Variants in NCK1 observed in about 807,000 individuals in gnomAD.
The protein encoded by NCK1 is SH2/SH3 adapter protein NCK1.
In NCK1, 19 loss-of-function variants were observed where a neutral mutation model predicts 36.6. That is an observed-to-expected ratio of 0.52 (90% CI 0.36 to 0.76). NCK1 has a LOEUF of 0.76. Among genes scored for constraint, NCK1 ranks in the 30% least tolerant of loss-of-function variants. NCK1 has a pLI of 0.00. For synonymous variants in NCK1, 165 were observed against 156.0 expected, an observed-to-expected ratio of 1.06 and a Z score of -0.43; for missense variants, 358 against 445.6, an observed-to-expected ratio of 0.80 and a Z score of 1.77.
At chr3:136,912,189 G>C (rs1296001389) in intron 1 of NCK1, among the ~76,000 whole-genome samples, 1 of 135,166 alleles carries the variant, frequency 7.4e-6, no homozygotes, top group Non-Finnish European at 1.5e-5. Flanking sequence ...TTGAGACCGA[G>C]TCTCGCTCTG....
chr3:136,871,786 G>T lies in NCK1; in HGVS notation c.-19+9433G>T, dbSNP rs998429058. 5.3e-5 allele frequency among the ~76,000 whole-genome samples: 8 copies of T among 152,138 alleles called. No individual in the cohort carries two copies. In the East Asian group the frequency reaches 5.8e-4, roughly 11 times the overall value. On this transcript the variant is annotated intron_variant, in intron 1 of 3. Coordinates refer to ENST00000481752, the MANE Select transcript of NCK1 (RefSeq NM_001291999.2). ...TGAACCATGGGGGTGGGCCTTTCTC[G>T]TGCTGTTCTTGTGATAGTGAATAGG...
rs964988780 is a variant in NCK1, at chr3:136,950,335, G to A, written c.*1882G>A. Among the ~76,000 whole-genome samples the A allele has an allele frequency of 3.9e-5, 6 of 152,068 alleles. No individual in the cohort carries two copies. Among genetic ancestry groups the A allele is most frequent in the African/African-American group, 1.4e-4 (6 of 41,426 alleles). Reference sequence around the variant, plus strand: ...AACTATTCATAGTAAACTGCACTGAGCTGATATTAATAGAGCAGACTTTTG... The same window carrying A: ...AACTATTCATAGTAAACTGCACTGAACTGATATTAATAGAGCAGACTTTTG... On this transcript the variant is annotated 3_prime_UTR_variant, in exon 4 of 4. Coordinates refer to ENST00000481752, the MANE Select transcript of NCK1 (RefSeq NM_001291999.2).
intron 1 of NCK1, chr3:136,900,090 G>T: frequency 2.2e-6 from 1 of 463,236 alleles, no homozygotes; most frequent in East Asian, 4.3e-5. Flanking sequence ...CCCTTTCAGG[G>T]CTTGATATTT....
chr3:136,900,108 C>A, intron 1 of NCK1: 2 of 409,730 alleles, frequency 4.9e-6, no homozygotes, highest in East Asian at 5.2e-5. Context: ...TTTACACTTC[C>A]CAAGTTCTTG....
chr3:136,874,852 A>T (rs901850550), intron 1 of NCK1, among the ~76,000 whole-genome samples: 1 of 152,138 alleles, frequency 6.6e-6, no homozygotes, highest in Non-Finnish European at 1.5e-5. Flanking sequence ...TAAGGATTCT[A>T]GGTTGGAAAT....
At chr3:136,902,721 A>G (rs1490134628) in intron 1 of NCK1, among the ~76,000 whole-genome samples, 1 of 150,834 alleles carries the variant, frequency 6.6e-6, no homozygotes, top group Non-Finnish European at 1.5e-5. Flanking sequence ...CCAATCAGGC[A>G]AGAGGGAAAA....
intron 1 of NCK1, among the ~76,000 whole-genome samples, chr3:136,908,645 CAATGTGGTGACATCT>C (rs1194916793): frequency 6.6e-6 from 1 of 152,170 alleles, no homozygotes; most frequent in Non-Finnish European, 1.5e-5. Context: ...TGATTACTGC[CAATGTGGTGACATCT>C]AACTCCAAAG....
In NCK1 at chr3:136,949,129, G is replaced by A. The variant is rs1190722837; in HGVS notation, c.*676G>A. 7 of 152,232 alleles carry A rather than the reference G, an allele frequency of 4.6e-5. No homozygotes were observed. Among genetic ancestry groups the A allele is most frequent in the Admixed American group, 3.9e-4 (6 of 15,272 alleles). 9.4% of individuals were successfully genotyped at this position (152,232 alleles called of 1,614,324 possible). On this transcript the variant is annotated 3_prime_UTR_variant, in exon 4 of 4. Transcript: ENST00000481752. ...AAAAATCACTTAATTTTTTTCCAGTGCTTCTCCCTCATCTGGTTATTCAAG... is the reference window on the plus strand; with the variant it reads ...AAAAATCACTTAATTTTTTTCCAGTACTTCTCCCTCATCTGGTTATTCAAG...
At chr3:136,935,037 A>C (rs761366485) in intron 2 of NCK1, among the ~76,000 whole-genome samples, 11 of 151,892 alleles carry the variant, frequency 7.2e-5, no homozygotes, top group Non-Finnish European at 1.0e-4. Flanking sequence ...AAGTAGCTGG[A>C]ATTACAGGTG....
At chr3:136,879,308 A>T (rs1938865229) in intron 1 of NCK1, among the ~76,000 whole-genome samples, 1 of 152,180 alleles carries the variant, frequency 6.6e-6, no homozygotes, top group Non-Finnish European at 1.5e-5. Flanking sequence ...AGAAGGAATT[A>T]TCAGTAAAAT....
intron 1 of NCK1, among the ~76,000 whole-genome samples, chr3:136,906,925 G>A (rs913210866): frequency 2.0e-5 from 3 of 152,160 alleles, no homozygotes; most frequent in African/African-American, 7.2e-5. Flanking sequence ...ATGGAGCCAG[G>A]TTGTAGGAGC....
chr3:136,941,507 G>A (rs1940676327), intron 2 of NCK1, among the ~76,000 whole-genome samples: 1 of 151,888 alleles, frequency 6.6e-6, no homozygotes, highest in African/African-American at 2.4e-5. Context: ...TGGTTACCCT[G>A]GGGATTAACA....
intron 1 of NCK1, among the ~76,000 whole-genome samples, chr3:136,866,866 G>A (rs1199486769): frequency 2.0e-5 from 3 of 152,192 alleles, no homozygotes; most frequent in East Asian, 1.9e-4. Flanking sequence ...ACATGCGTCG[G>A]CTTCCCAAAG....
At chr3:136,942,639 T>C (rs967797540) in intron 2 of NCK1, among the ~76,000 whole-genome samples, 2 of 152,222 alleles carry the variant, frequency 1.3e-5, no homozygotes, top group Admixed American at 1.3e-4. Flanking sequence ...GGTGAAAGCT[T>C]AGGGTCTTCT....
At chr3:136,890,681 AAT>A (rs1939218199) in intron 1 of NCK1, among the ~76,000 whole-genome samples, 1 of 152,268 alleles carries the variant, frequency 6.6e-6, no homozygotes, top group South Asian at 2.1e-4. Flanking sequence ...TATTACGAGT[AAT>A]ATGGCTACTG....
chr3:136,864,211 G>C (rs1938342586), intron 1 of NCK1, among the ~76,000 whole-genome samples: 1 of 151,896 alleles, frequency 6.6e-6, no homozygotes, highest in South Asian at 2.1e-4. Context: ...GTGTAATGTT[G>C]GCCGGGCTCG....
intron 1 of NCK1, among the ~76,000 whole-genome samples, chr3:136,862,686 T>G (rs1938265658): frequency 6.6e-6 from 1 of 152,138 alleles, no homozygotes; most frequent in African/African-American, 2.4e-5. Context: ...GGCGCGCTGG[T>G]TGACTTGTCT....
chr3:136,934,541 C>G (rs1052030414), intron 2 of NCK1, among the ~76,000 whole-genome samples: 2 of 152,176 alleles, frequency 1.3e-5, no homozygotes, highest in Non-Finnish European at 2.9e-5. Context: ...CCGCCTCAGT[C>G]TCCCAAAGTG....
intron 1 of NCK1, among the ~76,000 whole-genome samples, chr3:136,866,077 C>T (rs1029772732): frequency 5.9e-5 from 9 of 152,318 alleles, no homozygotes; most frequent in East Asian, 3.9e-4. Context: ...CTTCACTTTT[C>T]GGAAACCAGT....
Sources: allele counts gnomAD v4.1 joint callset (sites outside exome capture counted in the v4.1 genomes callset), GRCh38; gene constraint gnomAD v4.1.1; transcripts MANE v1.5; gene names NCBI Gene and HGNC (gene_info 2026-07-23, HGNC 2026-07-21).